CNBD2: variants seen among roughly 807,000 people sequenced by gnomAD.
CNBD2 encodes the protein cyclic nucleotide binding domain containing 2.
Under a neutral mutation model 63.7 loss-of-function variants are expected in CNBD2, and 64 were observed. The ratio of observed to expected loss-of-function variants is 1.00; its 90% CI spans 0.82 to 1.24. The LOEUF (loss-of-function observed/expected upper bound fraction) is 1.24. Among genes scored for constraint, CNBD2 ranks in the 50% most tolerant of loss-of-function variants. The pLI is 0.00. For synonymous variants in CNBD2, 229 were observed against 255.4 expected (o/e 0.90, Z 0.99); for missense variants, 691 against 713.5 (o/e 0.97, Z 0.36).
intron 3 of CNBD2, among the ~76,000 whole-genome samples, chr20:35,979,036 G>T (rs1424205633): frequency 6.6e-6 from 1 of 152,176 alleles, no homozygotes; most frequent in East Asian, 1.9e-4. Context: ...GCTAATTTTG[G>T]GTAGTGGGAT....
intron 9 of CNBD2, among the ~76,000 whole-genome samples, chr20:36,009,591 G>A (rs931589573): frequency 3.3e-5 from 5 of 152,104 alleles, no homozygotes; most frequent in African/African-American, 1.2e-4. Context: ...CAACACTTTG[G>A]GCGGCTGAAG....
At chr20:35,997,470 A>G (rs2056841260) in intron 8 of CNBD2, among the ~76,000 whole-genome samples, 2 of 152,206 alleles carry the variant, frequency 1.3e-5, no homozygotes, top group African/African-American at 2.4e-5. Flanking sequence ...GTTTCTTCAT[A>G]TCTACCTTGG....
At position 35,980,462 on chromosome 20, in the gene CNBD2, C is replaced by G. The variant is rs201270907; in HGVS notation, c.247C>G (p.His83Asp). ...CACTCTGGTCCTCTCTCCCCAGGGTCACTTTCCTCCAAAGGCCATTCAGAT... is the reference window on the plus strand; with the variant it reads ...CACTCTGGTCCTCTCTCCCCAGGGTGACTTTCCTCCAAAGGCCATTCAGAT... ...DTMDFIAEEG[H>D]FPPKAIQIMQ... is the part of the protein sequence containing the mutation. Residue 83 changes from histidine (H) to aspartate (D), a missense_variant, in exon 4 of 12, where the codon CAC becomes GAC. His to Asp is a moderately conservative substitution (Grantham distance 81). Coordinates refer to ENST00000373973, the MANE Select transcript of CNBD2 (RefSeq NM_001365709.1). The G allele has an allele frequency of 2.1e-5, 34 of 1,614,130 alleles. No homozygotes were observed. In the East Asian group the frequency reaches 6.2e-4, roughly 30 times the overall value.
intron 8 of CNBD2, among the ~76,000 whole-genome samples, chr20:36,004,845 G>T (rs774131461): frequency 2.2e-4 from 34 of 152,122 alleles, no homozygotes; most frequent in Non-Finnish European, 4.4e-4. Context: ...TTACAGGCAT[G>T]AGCCACCGCA....
At chr20:35,975,452 T>A (rs6060734) in intron 2 of CNBD2, among the ~76,000 whole-genome samples, 1 of 100,286 alleles carries the variant, frequency 1.0e-5, no homozygotes, top group Non-Finnish European at 2.1e-5. Flanking sequence ...AGGCGCCCGC[T>A]ACCACGCCCG....
At chr20:35,994,575 T>TAA (rs565944995) in intron 7 of CNBD2, among the ~76,000 whole-genome samples, 4 of 131,198 alleles carry the variant, frequency 3.0e-5, no homozygotes, top group African/African-American at 8.4e-5. Context: ...CATTTTCATT[T>TAA]AAAAAAAAAA....
At chr20:35,987,305 CAGG>C in intron 6 of CNBD2, 87 bp from the exon 7 acceptor site, 7 of 1,449,042 alleles carry the variant, frequency 4.8e-6, no homozygotes, top group Non-Finnish European at 6.7e-6. Context: ...GCATCCTCCA[CAGG>C]AGAAGAGTAT....
intron 2 of CNBD2, 74 bp downstream of exon 2, chr20:35,972,840 A>G: frequency 7.0e-7 from 1 of 1,430,734 alleles, no homozygotes; most frequent in Non-Finnish European, 9.7e-7. Flanking sequence ...TCCTGGCCTA[A>G]GCTCAGAACT....
intron 1 of CNBD2, among the ~76,000 whole-genome samples, chr20:35,971,944 C>T (rs1346536338): frequency 4.6e-5 from 7 of 152,088 alleles, no homozygotes; most frequent in Admixed American, 3.9e-4. Context: ...TTCCAAATTC[C>T]TGGGGAAAAG....
intron 8 of CNBD2, among the ~76,000 whole-genome samples, chr20:36,006,317 C>A (rs749866043): frequency 1.3e-5 from 2 of 152,108 alleles, no homozygotes; most frequent in Non-Finnish European, 2.9e-5. Context: ...CATGAGCCAC[C>A]ACACCCGGCT....
At chr20:36,020,660 G>A (rs969868531) in intron 10 of CNBD2, among the ~76,000 whole-genome samples, 4 of 152,162 alleles carry the variant, frequency 2.6e-5, no homozygotes, top group African/African-American at 9.7e-5. Context: ...CACATGCTAG[G>A]ATGGTTGTAA....
Position 35,971,423 on chromosome 20 carries a change from C to T in CNBD2, c.52-1206C>T, listed in dbSNP as rs1359670510. ...CTAATGTACAGTCATATTCAATTTC[C>T]TTATTTGTCCCTAGAGTGCCTTTGC... On this transcript the variant is annotated intron_variant, in intron 1 of 11. Coordinates refer to ENST00000373973, the MANE Select transcript of CNBD2 (RefSeq NM_001365709.1). 2.6e-5 allele frequency among the ~76,000 whole-genome samples: 4 copies of T among 151,884 alleles called. No individual in the cohort carries two copies. In the East Asian group the frequency reaches 5.8e-4, roughly 22 times the overall value.
Position 35,980,847 on chromosome 20 carries a change from C to G in CNBD2, c.407+225C>G, listed in dbSNP as rs551465628. Among the ~76,000 whole-genome samples, 5 of 152,324 alleles carry G rather than the reference C, an allele frequency of 3.3e-5. 1 individual carries two copies. In the South Asian group the frequency reaches 1.0e-3, roughly 32 times the overall value. ...AAGGGCCATTAAATCTGGAGAGGAT[C>G]TAGTAGAAACCTCAGAGAGGATCTG... On this transcript the variant is annotated intron_variant, in intron 4 of 11. Transcript: ENST00000373973.
In CNBD2 at chr20:35,995,081, C is replaced by T; in HGVS notation, c.899C>T (p.Pro300Leu). The T allele has an allele frequency of 6.2e-7, 1 of 1,614,136 alleles. No homozygotes were observed. The highest frequency in any genetic ancestry group is 1.3e-5 in the African/African-American group (1 of 75,046). ...VLRLLDLGAS[P>L]SYRRWIWQHL... is the part of the protein sequence containing the mutation. Reference sequence around the variant, plus strand: ...CGGCTGTTGGACCTTGGGGCCTCCCCTTCCTACCGTAGATGGATCTGGCAG... The same window carrying T: ...CGGCTGTTGGACCTTGGGGCCTCCCTTTCCTACCGTAGATGGATCTGGCAG... The change falls in exon 8 of 12, where the codon CCT becomes CTT. Residue 300 changes from proline to leucine, a missense_variant. Physicochemically the swap from Pro to Leu is moderately conservative, Grantham distance 98. Coordinates refer to ENST00000373973, the MANE Select transcript of CNBD2 (RefSeq NM_001365709.1).
chr20:35,993,254 A>G (rs1248253541), intron 7 of CNBD2, among the ~76,000 whole-genome samples: 1 of 152,176 alleles, frequency 6.6e-6, no homozygotes, highest in African/African-American at 2.4e-5. Context: ...CCAAATCAAG[A>G]TAAAAAACAT....
Position 35,971,236 on chromosome 20 carries a change from C to T in CNBD2, c.52-1393C>T, listed in dbSNP as rs377467952. Among the ~76,000 whole-genome samples the T allele has an allele frequency of 4.4e-4, 67 of 152,188 alleles. 1 individual carries two copies. In the Middle Eastern group the frequency reaches 0.017, roughly 39 times the overall value. On this transcript the variant is annotated intron_variant, in intron 1 of 11. Coordinates refer to ENST00000373973, the MANE Select transcript of CNBD2 (RefSeq NM_001365709.1). ...TGCTGGGTTTACAGGCATGAGCCAC[C>T]GGGCCCAGCCTGGCTTTATGTATTT... is the stretch of plus-strand genomic sequence containing the variant.
chr20:35,958,853 G>A (rs1477588521), downstream of CNBD2: 1 of 152,140 alleles, frequency 6.6e-6, no homozygotes, highest in African/African-American at 2.4e-5. Flanking sequence ...TTTAAAAAAT[G>A]TTACATACCT....
chr20:35,962,452 G>A (rs1256442015), intron 2 of CNBD2, among the ~76,000 whole-genome samples: 1 of 152,000 alleles, frequency 6.6e-6, no homozygotes, highest in Non-Finnish European at 1.5e-5. Context: ...GATAGAGATG[G>A]GGTTTCACCG....
chr20:35,958,657 T>C (rs981259638), downstream of CNBD2, among the ~76,000 whole-genome samples: 1 of 152,166 alleles, frequency 6.6e-6, no homozygotes, highest in African/African-American at 2.4e-5. Flanking sequence ...TGTGTGTGTG[T>C]GTGTAGGTCT....
Sources: gnomAD v4.1 joint callset for allele counts (sites outside exome capture counted in the v4.1 genomes callset) on GRCh38, gnomAD v4.1.1 for gene constraint, MANE v1.5 for transcripts, NCBI Gene and HGNC (gene_info 2026-07-23, HGNC 2026-07-21) for gene names.